TTC3: variants seen among roughly 807,000 people sequenced by gnomAD.
TTC3 encodes the protein tetratricopeptide repeat domain 3.
In TTC3, 180 loss-of-function variants were observed where a neutral mutation model predicts 249.6. The ratio of observed to expected loss-of-function variants is 0.72; its 90% CI spans 0.64 to 0.82. The LOEUF (loss-of-function observed/expected upper bound fraction) is 0.82. Among genes scored for constraint, TTC3 ranks in the 40% least tolerant of loss-of-function variants. The pLI is 0.00. For missense variants in TTC3, 2,061 were observed against 2,398.4 expected (o/e 0.86, Z 2.94); for synonymous variants, 717 against 805.0 (o/e 0.89, Z 1.85).
intron 11 of TTC3, among the ~76,000 whole-genome samples, chr21:37,120,564 G>A (rs1230798130): frequency 6.6e-6 from 1 of 152,136 alleles, no homozygotes; most frequent in Admixed American, 6.5e-5. Flanking sequence ...GCCTATCTGA[G>A]AGATGCCTTT....
chr21:37,091,488 G>A, intron 7 of TTC3, 75 bp downstream of exon 7: 1 of 1,335,604 alleles, frequency 7.5e-7, no homozygotes, highest in Non-Finnish European at 9.9e-7. Context: ...ATGTAGTTAA[G>A]TGATTTCTGA....
At chr21:37,166,548 G>A (rs1282280318) in exon 33 of TTC3, 1 of 1,614,102 alleles carries the variant, frequency 6.2e-7, no homozygotes, top group East Asian at 2.2e-5. Flanking sequence ...AACAACAAAT[G>A]TGAAGTAATT....
chr21:37,184,144 G>A (rs879763947), intron 36 of TTC3, among the ~76,000 whole-genome samples: 6 of 152,094 alleles, frequency 3.9e-5, no homozygotes, highest in Admixed American at 2.6e-4. Context: ...ACACACTTAC[G>A]GAAACAATAA....
chr21:37,080,101 T>C, intron 1 of TTC3, among the ~76,000 whole-genome samples: 1 of 152,280 alleles, frequency 6.6e-6, no homozygotes, highest in Non-Finnish European at 1.5e-5. Flanking sequence ...ACACACTTAA[T>C]ATTAATTTTC....
chr21:37,164,188 C>G lies in TTC3; in HGVS notation c.3308C>G (p.Pro1103Arg), dbSNP rs763604618. The G allele has an allele frequency of 3.1e-6, 5 of 1,606,864 alleles. No homozygotes were observed. The East Asian group carries it at 1.1e-4, about 36-fold the overall frequency. Residue 1103 changes from proline to arginine, a missense_variant, in exon 32 of 46, where the codon CCA becomes CGA. Pro to Arg is a moderately radical substitution (Grantham distance 103, BLOSUM62 -2). Transcript: ENST00000355666. ...AATAAGAAGCTATGGGACATGAACC[C>G]AAAACAAAAATGTTCAACTCTATAT... is the stretch of plus-strand genomic sequence containing the variant.
chr21:37,081,227 C>T (rs866246192), intron 1 of TTC3, among the ~76,000 whole-genome samples: 2 of 146,106 alleles, frequency 1.4e-5, no homozygotes, highest in Admixed American at 7.1e-5. Flanking sequence ...AAGCGATTCT[C>T]CTGCCTCAGA....
intron 6 of TTC3, among the ~76,000 whole-genome samples, 187 bp from the exon 7 acceptor site, chr21:37,091,106 A>G (rs2835590): frequency 0.46 from 69,221 of 151,968 alleles, 16,296 homozygotes; most frequent in Non-Finnish European, 0.52. Context: ...ATGAGTCCAT[A>G]GTATCTGTTA....
rs769850371 is a variant in TTC3, at chr21:37,095,301, A to T, written c.688-49A>T. 5 of 1,285,464 alleles carry T rather than the reference A, an allele frequency of 3.9e-6. No individual in the cohort carries two copies. In the South Asian group the frequency reaches 6.6e-5, roughly 17 times the overall value. 79.6% of individuals were successfully genotyped at this position (1,285,464 alleles called of 1,614,324 possible). On this transcript the variant is annotated intron_variant, in intron 8 of 45. Transcript: ENST00000355666. Reference sequence around the variant, plus strand: ...ATTTTTACTAGGTATTGGGTTCTTGATGATTTTTGGAGGTCATTGATGGGT... The same window carrying T: ...ATTTTTACTAGGTATTGGGTTCTTGTTGATTTTTGGAGGTCATTGATGGGT...
rs934579497 is a variant in TTC3 at position 37,109,594 on chromosome 21, T to A, written c.900+1148T>A. Among the ~76,000 whole-genome samples the A allele has an allele frequency of 3.3e-5, 5 of 152,146 alleles. No homozygotes were observed. The South Asian group carries it at 1.0e-3, about 32-fold the overall frequency. On this transcript the variant is annotated intron_variant, in intron 11 of 45. Coordinates refer to ENST00000355666, the Ensembl canonical transcript of TTC3. ...CGAACTGGGTGGAGCCCACCACAGC[T>A]CAAGGAGGCCTGCCTGCCTCTGTAG...
chr21:37,100,092 T>TAA (rs1210539390), intron 10 of TTC3, among the ~76,000 whole-genome samples: 1 of 152,156 alleles, frequency 6.6e-6, no homozygotes, highest in Non-Finnish European at 1.5e-5. Context: ...ATGGGCATGT[T>TAA]AAACACCCGG....
chr21:37,088,429 G>C (rs1462702196), intron 4 of TTC3, 83 bp downstream of exon 4: 4 of 1,489,910 alleles, frequency 2.7e-6, no homozygotes, highest in Admixed American at 4.2e-5. Context: ...TCAATGGAAG[G>C]CTTATGTCTT....
At chr21:37,090,683 T>A (rs2073153786) in intron 6 of TTC3, 1 of 261,664 alleles carries the variant, frequency 3.8e-6, no homozygotes, top group Admixed American at 6.5e-5. Flanking sequence ...ACATCTATGT[T>A]TACCTTAAGC....
chr21:37,156,665 C>T (rs759285511), exon 28 of TTC3: 11 of 1,611,302 alleles, frequency 6.8e-6, no homozygotes, highest in Non-Finnish European at 8.5e-6. Flanking sequence ...GCTTAGATGC[C>T]ACAGGAACTT....
intron 8 of TTC3, among the ~76,000 whole-genome samples, chr21:37,094,651 T>A (rs1043452447): frequency 6.6e-6 from 1 of 152,158 alleles, no homozygotes; most frequent in Non-Finnish European, 1.5e-5. Flanking sequence ...AACATCACAT[T>A]TGCTAACCTA....
chr21:37,082,949 T>A, intron 1 of TTC3: 1 of 983,820 alleles, frequency 1.0e-6, no homozygotes. Flanking sequence ...TGAGTTATCC[T>A]AAAGAAAAGT....
At chr21:37,182,027 G>T (rs144627088) in intron 35 of TTC3, among the ~76,000 whole-genome samples, 1 of 152,246 alleles carries the variant, frequency 6.6e-6, no homozygotes, top group Middle Eastern at 3.4e-3. Context: ...GAAAATATTT[G>T]TTTCCTTTAA....
At chr21:37,092,783 C>T (rs752061859) in intron 7 of TTC3, among the ~76,000 whole-genome samples, 3 of 152,138 alleles carry the variant, frequency 2.0e-5, no homozygotes, top group Non-Finnish European at 2.9e-5. Context: ...AGAGGCTTAA[C>T]TATAGTTTTG....
chr21:37,087,316 G>GC lies in TTC3; in HGVS notation c.62dup (p.His22SerfsTer4). The GC allele has an allele frequency of 6.2e-7, 1 of 1,614,076 alleles. No homozygotes were observed. The highest frequency in any genetic ancestry group is 8.5e-7 in the Non-Finnish European group (1 of 1,179,970). The stretch of plus-strand genomic sequence containing the variant: ...GCGGATTATGCCTTGTTAGAAGATT[G>GC]CCCTCACGTGGATGATTGTGTCTTT... On this transcript the variant is annotated frameshift_variant, in exon 2 of 46. Transcript: ENST00000355666. LOFTEE classifies it high-confidence loss of function.
chr21:37,137,997 C>T (rs1047492691), intron 18 of TTC3, among the ~76,000 whole-genome samples: 4 of 152,008 alleles, frequency 2.6e-5, no homozygotes, highest in African/African-American at 7.3e-5. Context: ...CAAACCTGCA[C>T]GTTCTTCTGC....
Sources: gnomAD v4.1 joint callset for allele counts (sites outside exome capture counted in the v4.1 genomes callset) on GRCh38, gnomAD v4.1.1 for gene constraint, MANE v1.5 for transcripts, NCBI Gene and HGNC (gene_info 2026-07-23, HGNC 2026-07-21) for gene names.